Variants in ADAMTS18 observed in about 807,000 individuals in gnomAD.
ADAMTS18 encodes the protein ADAM metallopeptidase with thrombospondin type 1 motif 18, also known as A disintegrin and metalloproteinase with thrombospondin motifs 18.
In ADAMTS18, 157 loss-of-function variants were observed where a neutral mutation model predicts 165.9. The observed-to-expected ratio is 0.95, with a 90% CI of 0.83 to 1.08. The LOEUF (loss-of-function observed/expected upper bound fraction) is 1.08. Among genes scored for constraint, ADAMTS18 ranks in the 50% least tolerant of loss-of-function variants. ADAMTS18 has a pLI of 0.00. For synonymous variants in ADAMTS18, 782 were observed against 578.2 expected, an observed-to-expected ratio of 1.35 and a Z score of -5.06; for missense variants, 2,040 against 1,534.0, an observed-to-expected ratio of 1.33 and a Z score of -5.51.
At chr16:77,407,683 G>C (rs987970358) in intron 3 of ADAMTS18, among the ~76,000 whole-genome samples, 1 of 152,080 alleles carries the variant, frequency 6.6e-6, no homozygotes, top group Non-Finnish European at 1.5e-5. Flanking sequence ...TAGCAATGTA[G>C]TGTGCCTGTA....
At chr16:77,372,972 G>A (rs576403780) in intron 3 of ADAMTS18, among the ~76,000 whole-genome samples, 19 of 152,260 alleles carry the variant, frequency 1.2e-4, no homozygotes, top group African/African-American at 4.6e-4. Context: ...GAACCTGCCA[G>A]CTTTATCTGT....
chr16:77,367,608 T>A lies in ADAMTS18; in HGVS notation c.611A>T (p.Lys204Ile). ...PAGHHPHVLY[K>I]RTAEEKIQRY... ...CTGGATCTTCTCCTCTGCTGTCCTT[T>A]TGTACAGTACGTGAGGATGGTGACC... The change falls in exon 4 of 23, where the codon AAA becomes ATA. Residue 204 changes from lysine (K) to isoleucine (I), a missense_variant. Physicochemically the swap from Lys to Ile is moderately radical, Grantham distance 102. Coordinates refer to ENST00000282849, the MANE Select transcript of ADAMTS18 (RefSeq NM_199355.4). 6.2e-7 allele frequency: 1 copy of A among 1,614,186 alleles called. No homozygotes were observed. Among genetic ancestry groups the A allele is most frequent in the Non-Finnish European group, 8.5e-7 (1 of 1,180,030 alleles).
intron 3 of ADAMTS18, among the ~76,000 whole-genome samples, chr16:77,393,243 C>T (rs1229241701): frequency 6.6e-6 from 1 of 152,154 alleles, no homozygotes; most frequent in Non-Finnish European, 1.5e-5. Context: ...CTGGGTACAA[C>T]TCGAAGTTCA....
At chr16:77,409,599 T>C (rs1226405420) in intron 3 of ADAMTS18, among the ~76,000 whole-genome samples, 3 of 152,194 alleles carry the variant, frequency 2.0e-5, no homozygotes, top group Non-Finnish European at 2.9e-5. Context: ...TGTTCGGGGC[T>C]TGATGACCTA....
In ADAMTS18 at chr16:77,359,372, T is replaced by C. The variant is rs760101011; in HGVS notation, c.1268A>G (p.Asn423Ser). The C allele has an allele frequency of 9.3e-6, 15 of 1,614,138 alleles. No individual in the cohort carries two copies. In the East Asian group the frequency reaches 1.6e-4, roughly 17 times the overall value. ...MCSKYRSCTI[N>S]EDTGLGLAFT... ...GGCAAGGCCAAGTCCTGTGTCCTCA[T>C]TGATGGTACAACTTCGGTACTTAGA... Residue 423 changes from asparagine (N) to serine (S), a missense_variant, in exon 8 of 23, where the codon AAT (asparagine) becomes AGT (serine). Coordinates refer to ENST00000282849, the MANE Select transcript of ADAMTS18 (RefSeq NM_199355.4).
Position 77,295,107 on chromosome 16 carries a change from C to A in ADAMTS18, c.2822G>T (p.Ser941Ile). 6.2e-7 allele frequency: 1 copy of A among 1,614,202 alleles called. No homozygotes were observed. The highest frequency in any genetic ancestry group is 1.1e-5 in the South Asian group (1 of 91,092). ...CPAYWMPGEW[S>I]TCSKACAGGQ... ...TCCAGCACAGGCCTTGCTGCATGTA[C>A]TCCATTCACCTGGCATCCAGCTTTC... Residue 941 changes from serine to isoleucine, a missense_variant, in exon 19 of 23, where the codon AGT (serine) becomes ATT (isoleucine). Transcript: ENST00000282849.
At chr16:77,333,251 G>A (rs778369592) in intron 12 of ADAMTS18, among the ~76,000 whole-genome samples, 28 of 151,968 alleles carry the variant, frequency 1.8e-4, no homozygotes, top group African/African-American at 4.6e-4. Flanking sequence ...GTTACTAACC[G>A]GAGGGAAGAA....
At chr16:77,396,577 C>T (rs926824832) in intron 3 of ADAMTS18, among the ~76,000 whole-genome samples, 1 of 152,054 alleles carries the variant, frequency 6.6e-6, no homozygotes, top group Non-Finnish European at 1.5e-5. Flanking sequence ...GTATCTTAAT[C>T]GAAAAACAAA....
chr16:77,316,689 G>A (rs1567476345), intron 16 of ADAMTS18, among the ~76,000 whole-genome samples: 4 of 151,846 alleles, frequency 2.6e-5, no homozygotes, highest in African/African-American at 9.7e-5. Flanking sequence ...TTATTTATTT[G>A]GAGAGAGTCT....
At chr16:77,377,207 A>C (rs1240323391) in intron 3 of ADAMTS18, among the ~76,000 whole-genome samples, 1 of 152,180 alleles carries the variant, frequency 6.6e-6, no homozygotes, top group Non-Finnish European at 1.5e-5. Flanking sequence ...TATACTCTTC[A>C]TTGGTCATAT....
intron 3 of ADAMTS18, among the ~76,000 whole-genome samples, chr16:77,373,472 A>AC (rs1349665229): frequency 1.3e-5 from 2 of 151,642 alleles, no homozygotes; most frequent in African/African-American, 4.9e-5. Flanking sequence ...AAAGAAAAAA[A>AC]AAAAAAAGAA....
chr16:77,293,492 G>A (rs2055408198), intron 19 of ADAMTS18, among the ~76,000 whole-genome samples: 1 of 151,822 alleles, frequency 6.6e-6, no homozygotes, highest in African/African-American at 2.4e-5. Flanking sequence ...TGCAAAGAAA[G>A]AGACTAGACT....
intron 6 of ADAMTS18, among the ~76,000 whole-genome samples, chr16:77,362,761 C>T (rs1597172512): frequency 6.6e-6 from 1 of 152,210 alleles, no homozygotes; most frequent in African/African-American, 2.4e-5. Flanking sequence ...AAGAGAGGAC[C>T]TACCCTTAAA....
rs550779278 is a variant in ADAMTS18 at position 77,285,503 on chromosome 16, C to G, written c.3551-1432G>C. 5.3e-5 allele frequency among the ~76,000 whole-genome samples: 8 copies of G among 151,084 alleles called. No individual in the cohort carries two copies. The East Asian group carries it at 1.2e-3, about 22-fold the overall frequency. ...CTGTATTTTTAAGGCACAGTTTTGA[C>G]TTTAAAAATATTTAGAGTATACACT... is the stretch of plus-strand genomic sequence containing the variant. On this transcript the variant is annotated intron_variant, in intron 22 of 22. Transcript: ENST00000282849.
At position 77,282,319 on chromosome 16, in the gene ADAMTS18, T is replaced by G. The variant is rs1054941472; in HGVS notation, c.*1637A>C. ...ATTAATTTTCCATAAAATAATAAAA[T>G]GATAATTATATAAAGAAATAACTTG... On this transcript the variant is annotated 3_prime_UTR_variant, in exon 23 of 23. Transcript: ENST00000282849. 11 of 151,978 alleles carry G rather than the reference T, an allele frequency of 7.2e-5. No individual in the cohort carries two copies. Among genetic ancestry groups the G allele is most frequent in the South Asian group, 6.2e-4 (3 of 4,826 alleles). The allele number at this position is 151,978 out of a possible 1,614,324, so 9.4% of individuals were successfully genotyped here. A position where few individuals can be genotyped will look rare whatever the true frequency, so the allele number is the denominator to read the frequency against.
intron 3 of ADAMTS18, among the ~76,000 whole-genome samples, chr16:77,392,895 C>G (rs547807255): frequency 6.6e-6 from 1 of 152,114 alleles, no homozygotes; most frequent in African/African-American, 2.4e-5. Context: ...AAATCCTTTT[C>G]TATGCTGACT....
chr16:77,379,308 C>T (rs1457392873), intron 3 of ADAMTS18, among the ~76,000 whole-genome samples: 4 of 152,182 alleles, frequency 2.6e-5, no homozygotes, highest in Non-Finnish European at 1.5e-5. Flanking sequence ...AAAGCAGCAA[C>T]AATCTCTTTT....
At chr16:77,294,137 G>A (rs966205954) in intron 19 of ADAMTS18, among the ~76,000 whole-genome samples, 21 of 152,106 alleles carry the variant, frequency 1.4e-4, no homozygotes, top group Non-Finnish European at 1.9e-4. Context: ...AACTCTTGCC[G>A]TTTTTTCATT....
chr16:77,398,977 G>A, intron 3 of ADAMTS18, among the ~76,000 whole-genome samples: 1 of 152,190 alleles, frequency 6.6e-6, no homozygotes, highest in East Asian at 1.9e-4. Flanking sequence ...TAGGTATGTA[G>A]AAATAGAACT....
Sources: allele counts gnomAD v4.1 joint callset (sites outside exome capture counted in the v4.1 genomes callset), GRCh38; gene constraint gnomAD v4.1.1; transcripts MANE v1.5; gene names NCBI Gene and HGNC (gene_info 2026-07-23, HGNC 2026-07-21).